The following CAST variants were observed in gnomAD, a reference collection of about 807,000 sequenced individuals.
CAST encodes calpastatin, also known as MIR583 host.
In CAST, 76 loss-of-function variants were observed where a neutral mutation model predicts 119.6. The ratio of observed to expected loss-of-function variants is 0.64; its 90% CI spans 0.53 to 0.77. CAST has a LOEUF of 0.77. Ranked by LOEUF, CAST falls within the 30% of genes least tolerant of loss-of-function variation. The probability of loss-of-function intolerance (pLI) is 0.00; values close to 1 mark genes in which losing one functional copy is unlikely to be tolerated. For missense variants in CAST, 953 were observed against 946.5 expected, an observed-to-expected ratio of 1.01 and a Z score of -0.09; for synonymous variants, 319 against 331.6, an observed-to-expected ratio of 0.96 and a Z score of 0.41.
the CAST span, among the ~76,000 whole-genome samples, chr5:96,195,766 G>T: frequency 6.6e-6 from 1 of 152,092 alleles, no homozygotes; most frequent in African/African-American, 2.4e-5. Context: ...TTGCCAAACA[G>T]ATAACATGTT....
chr5:96,426,077 G>A, the CAST span: 1 of 676,806 alleles, frequency 1.5e-6, no homozygotes, highest in Non-Finnish European at 2.7e-6. Flanking sequence ...GCACCTCAGT[G>A]AGAAGAAGGG....
the CAST span, chr5:96,421,992 TTAA>T: frequency 2.6e-6 from 1 of 388,366 alleles, no homozygotes; most frequent in Non-Finnish European, 4.1e-6. Flanking sequence ...TGTGGCAGCA[TTAA>T]AAAAAAAAAA....
the CAST span, among the ~76,000 whole-genome samples, chr5:96,451,015 C>T: frequency 7.9e-5 from 12 of 152,212 alleles, no homozygotes; most frequent in African/African-American, 2.9e-4. Context: ...ACAGAATCTT[C>T]ATAAAGTGAC....
chr5:96,123,053 A>G, the CAST span, among the ~76,000 whole-genome samples: 2 of 152,070 alleles, frequency 1.3e-5, no homozygotes, highest in Admixed American at 1.3e-4. Context: ...ATGTGAATTA[A>G]CTGAACTAAT....
At chr5:96,409,384 G>A in the CAST span, among the ~76,000 whole-genome samples, 9 of 152,136 alleles carry the variant, frequency 5.9e-5, no homozygotes, top group African/African-American at 2.2e-4. Flanking sequence ...AGAGGGCTGC[G>A]GAAGCAAGGT....
At chr5:96,478,208 C>T in the CAST span, among the ~76,000 whole-genome samples, 2 of 152,192 alleles carry the variant, frequency 1.3e-5, no homozygotes, top group African/African-American at 4.8e-5. Flanking sequence ...AGTATATTAT[C>T]TATCCTAAGA....
At chr5:96,400,491 G>A in the CAST span, among the ~76,000 whole-genome samples, 139,298 of 152,232 alleles carry the variant, frequency 0.92, 63,954 homozygotes, top group African/African-American at 0.98. Context: ...ATTTCTAATT[G>A]CTTCCATTTA....
At chr5:96,260,363 C>T in the CAST span, among the ~76,000 whole-genome samples, 2 of 152,218 alleles carry the variant, frequency 1.3e-5, no homozygotes, top group South Asian at 2.1e-4. Context: ...ATTCTTGGAC[C>T]CCAATGCTGA....
At chr5:96,689,772 A>G (rs1752508319) in intron 2 of CAST, among the ~76,000 whole-genome samples, 1 of 152,214 alleles carries the variant, frequency 6.6e-6, no homozygotes, top group African/African-American at 2.4e-5. Context: ...TACTTATATT[A>G]TGAAGTCTAC....
chr5:96,380,619 T>G, the CAST span, among the ~76,000 whole-genome samples: 41 of 152,188 alleles, frequency 2.7e-4, no homozygotes, highest in African/African-American at 9.2e-4. Flanking sequence ...AAACAACTGA[T>G]AGTCTTTGTT....
chr5:96,521,545 CAT>C (rs1200993991), upstream of CAST, among the ~76,000 whole-genome samples: 5 of 152,184 alleles, frequency 3.3e-5, no homozygotes, highest in Non-Finnish European at 7.3e-5. Context: ...CCACATGTCA[CAT>C]GTTCCCCATA....
At chr5:96,199,880 A>T in the CAST span, among the ~76,000 whole-genome samples, 2 of 152,228 alleles carry the variant, frequency 1.3e-5, no homozygotes, top group Non-Finnish European at 2.9e-5. Context: ...AGTACAGTTT[A>T]CTATTCCAGC....
chr5:96,448,742 T>G, the CAST span, among the ~76,000 whole-genome samples: 1 of 152,136 alleles, frequency 6.6e-6, no homozygotes, highest in Non-Finnish European at 1.5e-5. Context: ...TGGGCTAGTA[T>G]ACTGGACCAT....
chr5:96,697,256 T>G (rs1407828394), intron 3 of CAST, among the ~76,000 whole-genome samples: 1 of 152,218 alleles, frequency 6.6e-6, no homozygotes, highest in East Asian at 1.9e-4. Context: ...CCTCAACCTA[T>G]GTTTCAGGAG....
At chr5:96,254,165 G>T in the CAST span, among the ~76,000 whole-genome samples, 2 of 152,038 alleles carry the variant, frequency 1.3e-5, no homozygotes, top group Non-Finnish European at 2.9e-5. Context: ...ACAAAACCTT[G>T]GAGACAGCAT....
At chr5:96,680,022 A>G (rs747438694) in intron 2 of CAST, among the ~76,000 whole-genome samples, 124 of 152,140 alleles carry the variant, frequency 8.2e-4, no homozygotes, top group Non-Finnish European at 1.3e-3. Flanking sequence ...TAATTATTGG[A>G]AAAAAATTAG....
intron 1 of CAST, among the ~76,000 whole-genome samples, chr5:96,592,605 GT>G (rs1024107119): frequency 3.3e-5 from 5 of 151,538 alleles, no homozygotes; most frequent in African/African-American, 4.9e-5. Flanking sequence ...TCTCTCTATA[GT>G]TTTTTTTCCA....
intron 24 of CAST, 82 bp downstream of exon 24, chr5:96,757,736 G>A (rs1375435649): frequency 6.3e-6 from 6 of 951,234 alleles, no homozygotes; most frequent in African/African-American, 3.4e-5. Context: ...TGTCATCCAG[G>A]CGGGAGTACA....
the CAST span, among the ~76,000 whole-genome samples, chr5:96,357,779 G>A: frequency 1.3e-5 from 2 of 152,162 alleles, no homozygotes; most frequent in African/African-American, 4.8e-5. Context: ...AGGGATATTG[G>A]CCTAAAATTC....
Sources: allele counts gnomAD v4.1 joint callset (sites outside exome capture counted in the v4.1 genomes callset), GRCh38; gene constraint gnomAD v4.1.1; transcripts MANE v1.5; gene names NCBI Gene and HGNC (gene_info 2026-07-23, HGNC 2026-07-21).